PAK1: variants seen among roughly 807,000 people sequenced by gnomAD.
PAK1 encodes serine/threonine-protein kinase PAK 1.
Under a neutral mutation model 67.4 loss-of-function variants are expected in PAK1, and 29 were observed. That is an observed-to-expected ratio of 0.43 (90% confidence interval 0.32 to 0.59). The LOEUF (loss-of-function observed/expected upper bound fraction) is 0.59, where lower values mean the gene tolerates loss of function less well. PAK1 is among the 20% of genes least tolerant of loss of function. The pLI is 0.07. For missense variants in PAK1, 337 were observed against 670.7 expected (o/e 0.50, Z 5.50); for synonymous variants, 223 against 237.4 (o/e 0.94, Z 0.56).
intron 2 of PAK1, among the ~76,000 whole-genome samples, chr11:77,384,498 A>G (rs1405583488): frequency 6.6e-6 from 1 of 152,238 alleles, no homozygotes; most frequent in Non-Finnish European, 1.5e-5. Context: ...CAAAAAGTGA[A>G]GGCAACCCAA....
At chr11:77,504,316 T>C in the PAK1 span, among the ~76,000 whole-genome samples, 5 of 152,254 alleles carry the variant, frequency 3.3e-5, no homozygotes, top group East Asian at 7.7e-4. Context: ...AGGAGTAGCA[T>C]TCCTTATATT....
intron 1 of PAK1, among the ~76,000 whole-genome samples, chr11:77,451,028 A>G (rs1956829217): frequency 6.6e-6 from 1 of 152,212 alleles, no homozygotes; most frequent in African/African-American, 2.4e-5. Flanking sequence ...ACCACAGAAC[A>G]AGAAGTTCTG....
chr11:77,423,505 T>C (rs1297573641), intron 1 of PAK1, among the ~76,000 whole-genome samples: 1 of 150,822 alleles, frequency 6.6e-6, no homozygotes, highest in Admixed American at 6.6e-5. Flanking sequence ...AATTAAAACA[T>C]AGTACCAACA....
intron 1 of PAK1, among the ~76,000 whole-genome samples, chr11:77,462,483 AT>A (rs112024629): frequency 0.034 from 5,051 of 148,724 alleles, 137 homozygotes; most frequent in African/African-American, 0.076. Context: ...CATTGAAAGG[AT>A]TTTTTTTTTT....
In PAK1 at chr11:77,358,892, A is replaced by G; in HGVS notation, c.597+6T>C. 6.2e-7 allele frequency: 1 copy of G among 1,613,304 alleles called. No homozygotes were observed. The highest frequency in any genetic ancestry group is 8.5e-7 in the Non-Finnish European group (1 of 1,179,566). On this transcript the variant is annotated splice_donor_region_variant and intron_variant, in intron 6 of 14. Coordinates refer to ENST00000356341, the MANE Select transcript of PAK1 (RefSeq NM_002576.5). ...CACAAAACTGGCCAGGTCCCCAAAG[A>G]CTCACAGATTTTGTGTGCTCTGGGC...
At chr11:77,349,064 G>A (rs987410834) in intron 9 of PAK1, among the ~76,000 whole-genome samples, 175 bp downstream of exon 9, 4 of 149,928 alleles carry the variant, frequency 2.7e-5, no homozygotes, top group Non-Finnish European at 5.9e-5. Context: ...GGCGGAGGCT[G>A]CAGTGAGCAG....
At chr11:77,378,468 A>G (rs1441768389) in intron 4 of PAK1, among the ~76,000 whole-genome samples, 1 of 152,218 alleles carries the variant, frequency 6.6e-6, no homozygotes, top group East Asian at 1.9e-4. Context: ...GACATACATT[A>G]ATGTTATTAA....
chr11:77,407,277 C>T (rs749328941), intron 1 of PAK1, among the ~76,000 whole-genome samples: 1 of 152,148 alleles, frequency 6.6e-6, no homozygotes, highest in Non-Finnish European at 1.5e-5. Context: ...ATCTGTTCGA[C>T]CTTAAATAAA....
rs1054492338 is a variant in PAK1 at position 77,324,790 on chromosome 11, G to C, written c.1552-1430C>G. Among the ~76,000 whole-genome samples the C allele has an allele frequency of 1.9e-3, 276 of 148,162 alleles. 3 individuals are homozygous for C. The highest frequency in any genetic ancestry group is 6.9e-3 in the African/African-American group (264 of 38,102). On this transcript the variant is annotated intron_variant, in intron 14 of 14. Coordinates refer to ENST00000356341, the MANE Select transcript of PAK1 (RefSeq NM_002576.5). ...ACACACACACACAGAGAGAGAGAGA[G>C]ACAGAGAGAGAGAGAGAAAGAGAAA...
the PAK1 span, among the ~76,000 whole-genome samples, chr11:77,495,844 A>G: frequency 2.0e-5 from 3 of 152,212 alleles, no homozygotes; most frequent in Non-Finnish European, 4.4e-5. Flanking sequence ...AGTCAAATTC[A>G]TAGAGACAGA....
chr11:77,489,981 C>G, the PAK1 span, among the ~76,000 whole-genome samples: 6 of 150,810 alleles, frequency 4.0e-5, 1 homozygote, highest in Non-Finnish European at 8.8e-5. Context: ...TCTGCCCGGC[C>G]GCCATCCCAT....
At chr11:77,342,267 GC>G (rs1297157453) in intron 10 of PAK1, among the ~76,000 whole-genome samples, 2 of 151,980 alleles carry the variant, frequency 1.3e-5, no homozygotes, top group Non-Finnish European at 2.9e-5. Context: ...CTATTTGAGG[GC>G]AAAGATAGCA....
Position 77,403,670 on chromosome 11 carries a change from C to G in PAK1, c.-21-11129G>C, listed in dbSNP as rs565015357. ...TTTTCCAAAATTTAACTGGCAAAAT[C>G]CTAGCTTTAGGATAGTTGAACTCAA... On this transcript the variant is annotated intron_variant, in intron 1 of 14. Transcript: ENST00000356341. 1.1e-4 allele frequency among the ~76,000 whole-genome samples: 17 copies of G among 152,276 alleles called. No individual in the cohort carries two copies. In the South Asian group the frequency reaches 3.5e-3, roughly 32 times the overall value.
chr11:77,529,793 A>C, the PAK1 span, among the ~76,000 whole-genome samples: 5 of 152,232 alleles, frequency 3.3e-5, no homozygotes, highest in Non-Finnish European at 1.5e-5. Flanking sequence ...AAAGGCAAGA[A>C]GACGGAAAAG....
the PAK1 span, among the ~76,000 whole-genome samples, chr11:77,521,993 C>T: frequency 6.6e-6 from 1 of 152,200 alleles, no homozygotes; most frequent in Admixed American, 6.5e-5. Flanking sequence ...CATAATTTCA[C>T]TCTCTAGTCC....
In PAK1 at chr11:77,340,632, G is replaced by A. The variant is rs558024154; in HGVS notation, c.1116+14C>T. On this transcript the variant is annotated intron_variant, in intron 11 of 14. Coordinates refer to ENST00000356341, the MANE Select transcript of PAK1 (RefSeq NM_002576.5). Reference sequence around the variant, plus strand: ...GCAGCTTTCTACCCAAGACTGCTTGGCCCTTGGCCTTACCTCACGGCACAC... The same window carrying A: ...GCAGCTTTCTACCCAAGACTGCTTGACCCTTGGCCTTACCTCACGGCACAC... 3.2e-5 allele frequency: 43 copies of A among 1,324,122 alleles called. No homozygotes were observed. Among genetic ancestry groups the A allele is most frequent in the Admixed American group, 2.9e-4 (17 of 59,606 alleles). The allele number at this position is 1,324,122 out of a possible 1,614,324, so 82.0% of individuals were successfully genotyped here. A position where few individuals can be genotyped will look rare whatever the true frequency, so the allele number is the denominator to read the frequency against.
At chr11:77,446,160 TA>T in intron 1 of PAK1, among the ~76,000 whole-genome samples, 1 of 152,188 alleles carries the variant, frequency 6.6e-6, no homozygotes. Context: ...TTCATGATAT[TA>T]AAATGTTTGA....
At chr11:77,480,856 C>A in the PAK1 span, among the ~76,000 whole-genome samples, 1 of 152,206 alleles carries the variant, frequency 6.6e-6, no homozygotes, top group Non-Finnish European at 1.5e-5. Context: ...TATCATCTGT[C>A]CTCTTGCCCT....
chr11:77,365,650 T>C (rs1266390316), intron 5 of PAK1, among the ~76,000 whole-genome samples: 3 of 151,948 alleles, frequency 2.0e-5, no homozygotes, highest in Admixed American at 1.3e-4. Context: ...CTGGCCAATA[T>C]GGTGAAACCC....
Sources: allele counts gnomAD v4.1 joint callset (sites outside exome capture counted in the v4.1 genomes callset), GRCh38; gene constraint gnomAD v4.1.1; transcripts MANE v1.5; gene names NCBI Gene and HGNC (gene_info 2026-07-23, HGNC 2026-07-21).